DMXL1: variants seen among roughly 807,000 people sequenced by gnomAD.
DMXL1 encodes dmX-like protein 1.
DMXL1 carries 99 observed loss-of-function variants against 319.2 expected under a neutral mutation model. The ratio of observed to expected loss-of-function variants is 0.31; its 90% confidence interval spans 0.26 to 0.37. The LOEUF is 0.37. DMXL1 is among the 10% of genes least tolerant of loss of function. The pLI is 1.00. For missense variants in DMXL1, 3,745 were observed against 3,595.6 expected, an observed-to-expected ratio of 1.04 and a Z score of -1.06; for synonymous variants, 1,385 against 1,235.2, an observed-to-expected ratio of 1.12 and a Z score of -2.54.
chr5:119,122,253 T>C (rs1242986941), intron 9 of DMXL1, among the ~76,000 whole-genome samples: 46 of 82,276 alleles, frequency 5.6e-4, no homozygotes, highest in Middle Eastern at 9.6e-3. Flanking sequence ...GGCGGCTGGC[T>C]GGGCGGGGGG....
chr5:119,121,195 C>T (rs1307965840), intron 9 of DMXL1, 56 bp downstream of exon 9: 4 of 1,405,976 alleles, frequency 2.8e-6, no homozygotes, highest in Non-Finnish European at 3.8e-6. Context: ...GATTTTATAA[C>T]AACTAAGTTA....
intron 9 of DMXL1, among the ~76,000 whole-genome samples, chr5:119,125,613 G>A (rs934290197): frequency 4.6e-5 from 7 of 152,154 alleles, no homozygotes; most frequent in Non-Finnish European, 8.8e-5. Flanking sequence ...TGCCCAGGCT[G>A]AAGTGCAATG....
intron 13 of DMXL1, among the ~76,000 whole-genome samples, 199 bp downstream of exon 13, chr5:119,134,588 A>G (rs922078296): frequency 6.6e-6 from 1 of 152,216 alleles, no homozygotes; most frequent in African/African-American, 2.4e-5. Context: ...TCTTTGAAAG[A>G]AAGTAGAGTC....
chr5:119,170,971 C>T lies in DMXL1; in HGVS notation c.6180C>T (p.Tyr2060=). The change falls in exon 24 of 44, where the codon TAC becomes TAT. Residue 2060 remains tyrosine, a synonymous_variant. Coordinates refer to ENST00000539542, the MANE Select transcript of DMXL1 (RefSeq NM_001290321.3). The part of the protein sequence containing the change: ...IDGGKLRYQL[Y]HWLEKEVIAL... ...GTGGAAAATTGCGTTACCAACTATA[C>T]CACTGGCTTGAAAAAGAGGTGATAG... is the stretch of plus-strand genomic sequence containing the variant. 6.2e-7 allele frequency: 1 copy of T among 1,613,780 alleles called. No individual in the cohort carries two copies. Among genetic ancestry groups the T allele is most frequent in the East Asian group, 2.2e-5 (1 of 44,858 alleles).
intron 28 of DMXL1, among the ~76,000 whole-genome samples, chr5:119,180,617 A>T (rs1199038563): frequency 6.6e-6 from 1 of 152,142 alleles, no homozygotes. Context: ...TTGTTTTTGT[A>T]ACATTCCTTT....
chr5:119,090,121 A>G (rs992563630), intron 1 of DMXL1, among the ~76,000 whole-genome samples: 3 of 138,924 alleles, frequency 2.2e-5, no homozygotes, highest in African/African-American at 5.4e-5. Flanking sequence ...CCCGGGTTCA[A>G]GTGATTCTCC....
In DMXL1 at chr5:119,127,454, C is replaced by G. The variant is rs150117236; in HGVS notation, c.1103-1757C>G. 4.0e-3 allele frequency: 604 copies of G among 152,456 alleles called. 10 individuals are homozygous for G. The highest frequency in any genetic ancestry group is 0.027 in the South Asian group (129 of 4,824). The allele number at this position is 152,456 out of a possible 1,614,324, so 9.4% of individuals were successfully genotyped here. On this transcript the variant is annotated intron_variant, in intron 9 of 43. Transcript: ENST00000539542. ...AATTTTAGTTCAACTTTAAACTTAC[C>G]GAATTACTCACAGAATTTTACTTAG... is the stretch of plus-strand genomic sequence containing the variant.
At chr5:119,123,000 C>G (rs185059344) in intron 9 of DMXL1, among the ~76,000 whole-genome samples, 1 of 152,150 alleles carries the variant, frequency 6.6e-6, no homozygotes, top group Non-Finnish European at 1.5e-5. Flanking sequence ...CCACTGCACT[C>G]CAGCCTGGGC....
intron 9 of DMXL1, among the ~76,000 whole-genome samples, chr5:119,126,178 G>T (rs911101949): frequency 1.3e-5 from 2 of 152,160 alleles, no homozygotes; most frequent in Non-Finnish European, 1.5e-5. Context: ...AGCTACTTGG[G>T]AGGCTGAGGC....
chr5:119,114,585 T>G, intron 6 of DMXL1, 44 bp downstream of exon 6: 1 of 1,327,462 alleles, frequency 7.5e-7, no homozygotes, highest in Non-Finnish European at 1.1e-6. Flanking sequence ...GTTTATAGTT[T>G]ACTTTGAAAC....
In DMXL1 at chr5:119,227,383, A is replaced by G. The variant is rs958351048; in HGVS notation, c.8338+2614A>G. Among the ~76,000 whole-genome samples, 17 of 152,298 alleles carry G rather than the reference A, an allele frequency of 1.1e-4. 1 individual carries two copies. The highest frequency in any genetic ancestry group is 8.5e-4 in the Admixed American group (13 of 15,280). ...AAGTCTGCTCTGCTGGAACATTAAT[A>G]AGGAATCTCAGATAAGATTTTTAAA... On this transcript the variant is annotated intron_variant, in intron 38 of 43. Coordinates refer to ENST00000539542, the MANE Select transcript of DMXL1 (RefSeq NM_001290321.3).
intron 37 of DMXL1, among the ~76,000 whole-genome samples, chr5:119,222,364 G>GA (rs147882901): frequency 0.014 from 2,079 of 152,220 alleles, 45 homozygotes; most frequent in African/African-American, 0.047. Flanking sequence ...AAATGAACTT[G>GA]AAAAGCAATC....
chr5:119,071,523 G>C lies in DMXL1; in HGVS notation c.-47G>C, dbSNP rs1298049521. 3 of 1,551,186 alleles carry C rather than the reference G, an allele frequency of 1.9e-6. No individual in the cohort carries two copies. The highest frequency in any genetic ancestry group is 2.6e-6 in the Non-Finnish European group (3 of 1,140,436). On this transcript the variant is annotated 5_prime_UTR_variant, in exon 1 of 44. Transcript: ENST00000539542. ...GAGGGAGGGAAGCAGCCGCTGACCC[G>C]TGGCATGAGCTGGATGCGGTGTCCG...
In DMXL1 at chr5:119,167,102, A is replaced by G. The variant is rs560907985; in HGVS notation, c.5136+321A>G. ...ATTTGAACCCCATATCTGGCTCTCT[A>G]TTATTTGATGAATGTTAGAAAATCC... On this transcript the variant is annotated intron_variant, in intron 22 of 43. Coordinates refer to ENST00000539542, the MANE Select transcript of DMXL1 (RefSeq NM_001290321.3). 1.9e-3 allele frequency among the ~76,000 whole-genome samples: 294 copies of G among 152,274 alleles called. 1 individual carries two copies. Among genetic ancestry groups the G allele is most frequent in the African/African-American group, 6.5e-3 (271 of 41,576 alleles).
Position 119,178,015 on chromosome 5 carries a change from A to C in DMXL1, c.6906A>C (p.Arg2302=). The C allele has an allele frequency of 6.2e-7, 1 of 1,606,880 alleles. No homozygotes were observed. Among genetic ancestry groups the C allele is most frequent in the East Asian group, 2.2e-5 (1 of 44,628 alleles). Residue 2302 remains arginine, a synonymous_variant, in exon 28 of 44, where the codon CGA becomes CGC. Coordinates refer to ENST00000539542, the MANE Select transcript of DMXL1 (RefSeq NM_001290321.3). ...TTCTAGGAATAACTTGTCTAATTCG[A>C]CTTTTGAATTCTTCTGGCGAGGAAG... is the stretch of plus-strand genomic sequence containing the variant. ...AQWPGITCLI[R]LLNSSGEEAQ... is the part of the protein sequence containing the mutation.
At chr5:119,156,872 C>G (rs1202427464) in intron 19 of DMXL1, among the ~76,000 whole-genome samples, 1 of 152,064 alleles carries the variant, frequency 6.6e-6, no homozygotes, top group African/African-American at 2.4e-5. Context: ...GACATTCTAG[C>G]AGGTGTGAGT....
At chr5:119,174,964 G>A (rs1229481430) in intron 25 of DMXL1, among the ~76,000 whole-genome samples, 1 of 152,124 alleles carries the variant, frequency 6.6e-6, no homozygotes, top group East Asian at 1.9e-4. Flanking sequence ...TTAATACATG[G>A]TTCATGCTCT....
chr5:119,136,216 G>C (rs779124743), intron 13 of DMXL1, among the ~76,000 whole-genome samples: 1 of 152,226 alleles, frequency 6.6e-6, no homozygotes, highest in Non-Finnish European at 1.5e-5. Flanking sequence ...CTTTGAACTT[G>C]AGAGATGATT....
At chr5:119,126,350 TATTATA>T (rs1324016484) in intron 9 of DMXL1, among the ~76,000 whole-genome samples, 2 of 152,222 alleles carry the variant, frequency 1.3e-5, no homozygotes, top group Admixed American at 6.5e-5. Context: ...GGAACGTTTA[TATTATA>T]ATTATCAAAA....
Sources: gnomAD v4.1 joint callset for allele counts (sites outside exome capture counted in the v4.1 genomes callset) on GRCh38, gnomAD v4.1.1 for gene constraint, MANE v1.5 for transcripts, NCBI Gene and HGNC (gene_info 2026-07-23, HGNC 2026-07-21) for gene names.